The following CDH18 variants were observed in gnomAD, a reference collection of about 807,000 sequenced individuals.
The protein encoded by CDH18 is cadherin-18.
In CDH18, 31 loss-of-function variants were observed where a neutral mutation model predicts 67.9. The ratio of observed to expected loss-of-function variants is 0.46; its 90% CI spans 0.34 to 0.62. The LOEUF is 0.62. CDH18 is among the 20% of genes least tolerant of loss of function. CDH18 has a pLI of 0.01. For missense variants in CDH18, 890 were observed against 975.5 expected, an observed-to-expected ratio of 0.91 and a Z score of 1.17; for synonymous variants, 362 against 347.2, an observed-to-expected ratio of 1.04 and a Z score of -0.48.
chr5:19,747,500 A>G (rs1770185670), intron 3 of CDH18, among the ~76,000 whole-genome samples: 1 of 152,144 alleles, frequency 6.6e-6, no homozygotes, highest in East Asian at 1.9e-4. Flanking sequence ...TAAAACAAAA[A>G]TAGCCCTTAT....
intron 2 of CDH18, among the ~76,000 whole-genome samples, chr5:20,092,052 G>T (rs1450100039): frequency 6.6e-6 from 1 of 152,082 alleles, no homozygotes; most frequent in Non-Finnish European, 1.5e-5. Flanking sequence ...TTGCAGTGCT[G>T]TCACGGGATT....
At chr5:20,324,033 G>A (rs2150011520) in intron 1 of CDH18, among the ~76,000 whole-genome samples, 1 of 152,172 alleles carries the variant, frequency 6.6e-6, no homozygotes, top group Admixed American at 6.5e-5. Flanking sequence ...TCCTACTTTT[G>A]CCAGTGCCCA....
chr5:20,388,903 T>C (rs915839811), intron 1 of CDH18, among the ~76,000 whole-genome samples: 3 of 152,210 alleles, frequency 2.0e-5, no homozygotes, highest in African/African-American at 7.2e-5. Context: ...TTGATTGCAC[T>C]GTGGTCTGAG....
At chr5:20,317,619 T>C (rs1455233066) in intron 1 of CDH18, among the ~76,000 whole-genome samples, 2 of 152,158 alleles carry the variant, frequency 1.3e-5, no homozygotes, top group African/African-American at 4.8e-5. Context: ...AAGCCTAATA[T>C]TAGTTGAAAT....
rs1737640204 is a variant in CDH18 at position 19,471,411 on chromosome 5, G to A, written c.*1815C>T. On this transcript the variant is annotated 3_prime_UTR_variant, in exon 13 of 13. Transcript: ENST00000382275. ...TCAAATTATAATATGATAGCACAGG[G>A]CAATTGCAAACAGAGGTAAAATCCA... Among the ~76,000 whole-genome samples, 1 of 152,118 alleles carries A rather than the reference G, an allele frequency of 6.6e-6. No homozygotes were observed. The highest frequency in any genetic ancestry group is 2.1e-4 in the South Asian group (1 of 4,828).
At chr5:19,597,881 A>G (rs1371502410) in intron 6 of CDH18, among the ~76,000 whole-genome samples, 2 of 152,168 alleles carry the variant, frequency 1.3e-5, no homozygotes, top group Non-Finnish European at 2.9e-5. Context: ...GTTTATATTC[A>G]TCTTTTTTTG....
chr5:19,839,799 G>C (rs1011149422), intron 2 of CDH18, among the ~76,000 whole-genome samples: 1 of 152,006 alleles, frequency 6.6e-6, no homozygotes, highest in African/African-American at 2.4e-5. Context: ...TCTACCCCGG[G>C]TATGAACTTC....
At position 19,471,374 on chromosome 5, in the gene CDH18, A is replaced by T. The variant is rs564297421; in HGVS notation, c.*1852T>A. ...AGAATTATTCAAATTAAGCTTACTT[A>T]CTTCCCATACCTCAAATTATAATAT... On this transcript the variant is annotated 3_prime_UTR_variant, in exon 13 of 13. Coordinates refer to ENST00000382275, the MANE Select transcript of CDH18 (RefSeq NM_004934.5). Among the ~76,000 whole-genome samples, 6 of 152,270 alleles carry T rather than the reference A, an allele frequency of 3.9e-5. No homozygotes were observed. The highest frequency in any genetic ancestry group is 1.4e-4 in the African/African-American group (6 of 41,564).
intron 2 of CDH18, among the ~76,000 whole-genome samples, chr5:20,233,435 T>C (rs1180748100): frequency 6.6e-6 from 1 of 151,944 alleles, no homozygotes; most frequent in Non-Finnish European, 1.5e-5. Flanking sequence ...TAATCTTAGC[T>C]AGACTGATAG....
chr5:20,448,106 A>C (rs1750149187), intron 1 of CDH18, among the ~76,000 whole-genome samples: 1 of 151,262 alleles, frequency 6.6e-6, no homozygotes, highest in Non-Finnish European at 1.5e-5. Context: ...CCCATATCCA[A>C]GCGCTCTCGT....
chr5:19,835,625 A>G (rs1001250967), intron 3 of CDH18, among the ~76,000 whole-genome samples: 2 of 152,162 alleles, frequency 1.3e-5, no homozygotes, highest in African/African-American at 4.8e-5. Context: ...AGCATATAGT[A>G]ATTGCTGAGC....
intron 2 of CDH18, among the ~76,000 whole-genome samples, chr5:20,016,779 G>A (rs994921545): frequency 4.6e-5 from 7 of 151,934 alleles, no homozygotes; most frequent in Admixed American, 1.3e-4. Flanking sequence ...ATGAGTTGCC[G>A]GCTTCTACTT....
chr5:20,464,773 A>G (rs1350656820), intron 1 of CDH18, among the ~76,000 whole-genome samples: 1 of 152,118 alleles, frequency 6.6e-6, no homozygotes, highest in Non-Finnish European at 1.5e-5. Flanking sequence ...TACAATTGAG[A>G]TGGCAAGGAA....
At chr5:19,807,752 C>T (rs1429367978) in intron 3 of CDH18, among the ~76,000 whole-genome samples, 1 of 152,166 alleles carries the variant, frequency 6.6e-6, no homozygotes, top group Admixed American at 6.5e-5. Flanking sequence ...AGATATCAGC[C>T]TGATTATTCC....
At chr5:20,311,375 A>G (rs1736973540) in intron 1 of CDH18, among the ~76,000 whole-genome samples, 1 of 152,216 alleles carries the variant, frequency 6.6e-6, no homozygotes, top group Non-Finnish European at 1.5e-5. Context: ...TATTCACAAT[A>G]GCAAAGATTT....
intron 2 of CDH18, among the ~76,000 whole-genome samples, chr5:20,124,108 T>C (rs1748619103): frequency 6.6e-6 from 1 of 151,930 alleles, no homozygotes; most frequent in Non-Finnish European, 1.5e-5. Flanking sequence ...GATAGAAACC[T>C]CCAGAGAATA....
intron 4 of CDH18, among the ~76,000 whole-genome samples, chr5:19,736,779 A>G (rs956817274): frequency 6.6e-6 from 1 of 152,170 alleles, no homozygotes; most frequent in Non-Finnish European, 1.5e-5. Flanking sequence ...AACTTCCACA[A>G]TATTCCATGG....
chr5:19,539,264 T>G (rs186298844), intron 9 of CDH18, among the ~76,000 whole-genome samples: 14 of 152,338 alleles, frequency 9.2e-5, no homozygotes, highest in Admixed American at 8.5e-4. Flanking sequence ...TACAATTTAC[T>G]GTACTGCTTT....
chr5:20,561,515 A>G (rs774856060), intron 1 of CDH18, among the ~76,000 whole-genome samples: 1 of 152,074 alleles, frequency 6.6e-6, no homozygotes, highest in Non-Finnish European at 1.5e-5. Flanking sequence ...AAGGCTACAT[A>G]TTGTATGATT....
Sources: gnomAD v4.1 joint callset for allele counts (sites outside exome capture counted in the v4.1 genomes callset) on GRCh38, gnomAD v4.1.1 for gene constraint, MANE v1.5 for transcripts, NCBI Gene and HGNC (gene_info 2026-07-23, HGNC 2026-07-21) for gene names.